Variants in SFMBT2 observed in about 807,000 individuals in gnomAD.
SFMBT2 encodes the protein scm-like with four MBT domains protein 2.
In SFMBT2, 38 loss-of-function variants were observed where a neutral mutation model predicts 110.1. The observed-to-expected ratio is 0.35, with a 90% CI of 0.27 to 0.45. The LOEUF is 0.45. Among genes scored for constraint, SFMBT2 ranks in the 20% least tolerant of loss-of-function variants. The pLI, the probability that SFMBT2 is intolerant of heterozygous loss-of-function variation, is 1.00. For missense variants in SFMBT2, 1,011 were observed against 1,094.9 expected (o/e 0.92, Z 1.08); for synonymous variants, 425 against 425.4 (o/e 1.00, Z 0.01).
At chr10:7,284,318 C>T in intron 5 of SFMBT2, 168 bp from the exon 6 acceptor site, 1 of 1,423,894 alleles carries the variant, frequency 7.0e-7, no homozygotes. Flanking sequence ...CCACCCCTTC[C>T]CTTTCCTCCC....
In SFMBT2 at chr10:7,348,958, A is replaced by G. The variant is rs1844210242; in HGVS notation, c.436+18691T>C. ...CCACCATGACAAGGATGAGACCTCCAAAAAGGACATTTGGATGAGAAATGG... is the reference window on the plus strand; with the variant it reads ...CCACCATGACAAGGATGAGACCTCCGAAAAGGACATTTGGATGAGAAATGG... On this transcript the variant is annotated intron_variant, in intron 4 of 20. Transcript: ENST00000397167. Among the ~76,000 whole-genome samples, 2 of 152,192 alleles carry G rather than the reference A, an allele frequency of 1.3e-5. 1 individual carries two copies. The highest frequency in any genetic ancestry group is 4.1e-4 in the South Asian group (2 of 4,830).
intron 13 of SFMBT2, among the ~76,000 whole-genome samples, chr10:7,201,304 T>C (rs1252054044): frequency 1.3e-5 from 2 of 152,240 alleles, no homozygotes; most frequent in Admixed American, 6.5e-5. Flanking sequence ...GAATCAGAAA[T>C]TTTGAGGATG....
chr10:7,355,172 G>A lies in SFMBT2; in HGVS notation c.436+12477C>T, dbSNP rs138772979. 7.9e-5 allele frequency among the ~76,000 whole-genome samples: 12 copies of A among 152,160 alleles called. No individual in the cohort carries two copies. In the East Asian group the frequency reaches 2.3e-3, roughly 29 times the overall value. ...TAAATTCAAATTTTTTAATCATTTT[G>A]TTCAAAAATGCTATTTTCCTTCTAA... is the stretch of plus-strand genomic sequence containing the variant. On this transcript the variant is annotated intron_variant, in intron 4 of 20. Transcript: ENST00000397167.
rs188574015 is a variant in SFMBT2 at position 7,402,388 on chromosome 10, A to C, written c.-52+8473T>G. Among the ~76,000 whole-genome samples the C allele has an allele frequency of 8.1e-4, 123 of 152,306 alleles. 1 individual carries two copies. Among genetic ancestry groups the C allele is most frequent in the East Asian group, 9.6e-4 (5 of 5,190 alleles). ...TCTGCCATCCATCGCAGGAAAAATC[A>C]AATATAGAGGAGGGTGAAGATGAAA... On this transcript the variant is annotated intron_variant, in intron 1 of 20. Transcript: ENST00000397167.
intron 9 of SFMBT2, among the ~76,000 whole-genome samples, chr10:7,240,677 C>T (rs1840399798): frequency 6.6e-6 from 1 of 152,132 alleles, no homozygotes; most frequent in South Asian, 2.1e-4. Context: ...TTCTCCTGTT[C>T]CTTCTCCTTG....
In SFMBT2 at chr10:7,364,398, T is replaced by C. The variant is rs188858849; in HGVS notation, c.436+3251A>G. On this transcript the variant is annotated intron_variant, in intron 4 of 20. Coordinates refer to ENST00000397167, the MANE Select transcript of SFMBT2 (RefSeq NM_001387889.1). ...TTAAGTGTGACTGTGGCAAAGTCAG[T>C]AGGATACAAATTTGATGGTGTTTCT... is the stretch of plus-strand genomic sequence containing the variant. 6.6e-4 allele frequency among the ~76,000 whole-genome samples: 100 copies of C among 152,324 alleles called. 1 individual carries two copies. The highest frequency in any genetic ancestry group is 2.3e-3 in the African/African-American group (97 of 41,570).
At chr10:7,325,031 G>C (rs190847203) in intron 4 of SFMBT2, among the ~76,000 whole-genome samples, 355 of 134,954 alleles carry the variant, frequency 2.6e-3, no homozygotes, top group African/African-American at 1.0e-2. Flanking sequence ...GCAATGGCAC[G>C]ATCTCGGCTC....
chr10:7,236,592 T>C (rs1840263457), intron 9 of SFMBT2, among the ~76,000 whole-genome samples: 1 of 152,098 alleles, frequency 6.6e-6, no homozygotes, highest in Non-Finnish European at 1.5e-5. Flanking sequence ...AAAACTTCAA[T>C]TCAATTCAAG....
At position 7,294,770 on chromosome 10, in the gene SFMBT2, C is replaced by T. The variant is rs555344342; in HGVS notation, c.437-8816G>A. 5.3e-5 allele frequency among the ~76,000 whole-genome samples: 8 copies of T among 152,312 alleles called. No homozygotes were observed. The South Asian group carries it at 6.2e-4, about 12-fold the overall frequency. ...ACAACCTCATCATCCCCAGTGCTCT[C>T]CGTCCTTGGGAGCATTTTATATAAT... On this transcript the variant is annotated intron_variant, in intron 4 of 20. Transcript: ENST00000397167.
chr10:7,197,245 C>T (rs1838803811), intron 15 of SFMBT2, among the ~76,000 whole-genome samples: 1 of 152,124 alleles, frequency 6.6e-6, no homozygotes, highest in Non-Finnish European at 1.5e-5. Flanking sequence ...GCCCTCACTC[C>T]ACACACAATC....
chr10:7,313,432 C>T (rs1004795647), intron 4 of SFMBT2, among the ~76,000 whole-genome samples: 6 of 152,162 alleles, frequency 3.9e-5, no homozygotes, highest in African/African-American at 1.4e-4. Context: ...ATCTGCCCAC[C>T]TCAGCCTCCC....
At chr10:7,364,336 C>T (rs80179023) in intron 4 of SFMBT2, among the ~76,000 whole-genome samples, 6 of 152,122 alleles carry the variant, frequency 3.9e-5, no homozygotes, top group Admixed American at 6.5e-5. Context: ...TTCCCTTTTT[C>T]CAGGGTGTTC....
chr10:7,351,586 A>G (rs1386001095), intron 4 of SFMBT2, among the ~76,000 whole-genome samples: 2 of 152,204 alleles, frequency 1.3e-5, no homozygotes, highest in Non-Finnish European at 2.9e-5. Flanking sequence ...TGAAAACAAA[A>G]CATTCACGCA....
chr10:7,299,356 C>T (rs954241323), intron 4 of SFMBT2, among the ~76,000 whole-genome samples: 3 of 152,080 alleles, frequency 2.0e-5, no homozygotes, highest in Non-Finnish European at 2.9e-5. Flanking sequence ...GGGCTAATAT[C>T]CAGAATTTAT....
intron 8 of SFMBT2, chr10:7,244,045 C>G (rs2762558): frequency 0.023 from 20,626 of 896,900 alleles, 365 homozygotes; most frequent in African/African-American, 0.077. Context: ...AGATGACAGC[C>G]AAGACAGGAA....
intron 2 of SFMBT2, among the ~76,000 whole-genome samples, chr10:7,372,137 C>T (rs1004129682): frequency 6.6e-6 from 1 of 151,994 alleles, no homozygotes; most frequent in Non-Finnish European, 1.5e-5. Flanking sequence ...AGACTGGTCT[C>T]GAATTCCCGA....
intron 4 of SFMBT2, among the ~76,000 whole-genome samples, chr10:7,339,447 CTTCTT>C (rs1436552536): frequency 6.6e-6 from 1 of 152,164 alleles, no homozygotes; most frequent in Non-Finnish European, 1.5e-5. Context: ...GCTGAAGATA[CTTCTT>C]TTCTTCCTAT....
chr10:7,204,600 C>T (rs1839065711), intron 12 of SFMBT2: 11 of 690,674 alleles, frequency 1.6e-5, no homozygotes, highest in Non-Finnish European at 1.6e-5. Context: ...CACTATTAGC[C>T]AGGCGTGGCC....
intron 10 of SFMBT2, among the ~76,000 whole-genome samples, chr10:7,227,641 G>A (rs1161726701): frequency 6.6e-6 from 1 of 152,172 alleles, no homozygotes; most frequent in Non-Finnish European, 1.5e-5. Flanking sequence ...TCCAGCCACT[G>A]TGCATTTATT....
Sources: gnomAD v4.1 joint callset for allele counts (sites outside exome capture counted in the v4.1 genomes callset) on GRCh38, gnomAD v4.1.1 for gene constraint, MANE v1.5 for transcripts, NCBI Gene and HGNC (gene_info 2026-07-23, HGNC 2026-07-21) for gene names.